DZANK1: variants seen among roughly 807,000 people sequenced by gnomAD.
DZANK1 encodes double zinc ribbon and ankyrin repeat-containing protein 1.
In DZANK1, 91 loss-of-function variants were observed where a neutral mutation model predicts 94.5. That is an observed-to-expected ratio of 0.96 (90% CI 0.81 to 1.15). The LOEUF (loss-of-function observed/expected upper bound fraction) is 1.15, where lower values mean the gene tolerates loss of function less well. DZANK1 is among the 50% of genes most tolerant of loss of function. DZANK1 has a pLI of 0.00. For synonymous variants in DZANK1, 312 were observed against 325.3 expected, an observed-to-expected ratio of 0.96 and a Z score of 0.44; for missense variants, 903 against 916.4, an observed-to-expected ratio of 0.99 and a Z score of 0.19.
At chr20:18,426,997 G>T (rs1175776317) in intron 10 of DZANK1, 70 bp downstream of exon 10, 4 of 1,182,136 alleles carry the variant, frequency 3.4e-6, no homozygotes, top group Non-Finnish European at 4.7e-6. Context: ...GGCAGATTCT[G>T]TTTCTCTATT....
rs779698400 is a variant in DZANK1 at position 18,389,611 on chromosome 20, GGT to G, written c.2018+88_2018+89del. 7.1e-4 allele frequency: 1,082 copies of G among 1,530,218 alleles called. 1 individual carries two copies. Among genetic ancestry groups the G allele is most frequent in the Non-Finnish European group, 8.8e-4 (991 of 1,126,940 alleles). 94.8% of individuals were successfully genotyped at this position (1,530,218 alleles called of 1,614,324 possible). A position where few individuals can be genotyped will look rare whatever the true frequency, so the allele number is the denominator to read the frequency against. ...GGTTAAAGTGGCTGAAACTGAACAG[GGT>G]GTGTGTGTAGACCGCTTCTGCTGCA... On this transcript the variant is annotated intron_variant, in intron 19 of 20. Coordinates refer to ENST00000262547, the Ensembl canonical transcript of DZANK1.
In DZANK1 at chr20:18,460,309, G is replaced by T; in HGVS notation, c.110-3C>A. 6.6e-7 allele frequency: 1 copy of T among 1,507,894 alleles called. No individual in the cohort carries two copies. Among genetic ancestry groups the T allele is most frequent in the South Asian group, 1.3e-5 (1 of 76,618 alleles). The allele number at this position is 1,507,894 out of a possible 1,614,324, so 93.4% of individuals were successfully genotyped here. A position where few individuals can be genotyped will look rare whatever the true frequency, so the allele number is the denominator to read the frequency against. On this transcript the variant is annotated splice_region_variant and splice_polypyrimidine_tract_variant and intron_variant, in intron 2 of 20. Transcript: ENST00000262547. ...ATATATGTTGACATCTGGAGTGTCT[G>T]AAAAATCCAAAACAGGATAACTATA... is the stretch of plus-strand genomic sequence containing the variant.
intron 12 of DZANK1, 32 bp downstream of exon 12, chr20:18,414,316 G>C: frequency 6.2e-7 from 1 of 1,609,890 alleles, no homozygotes; most frequent in Non-Finnish European, 8.5e-7. Context: ...CCTCTTCCTG[G>C]GTACCAGTTC....
intron 8 of DZANK1, among the ~76,000 whole-genome samples, chr20:18,434,380 A>G (rs1430524146): frequency 6.6e-6 from 1 of 151,878 alleles, no homozygotes; most frequent in Admixed American, 6.6e-5. Context: ...CCCCAGCTCT[A>G]CTAAAAATAC....
chr20:18,394,545 C>T (rs182799513), intron 15 of DZANK1, 195 bp from the exon 16 acceptor site: 2 of 691,936 alleles, frequency 2.9e-6, no homozygotes, highest in Admixed American at 4.0e-5. Flanking sequence ...TGCCCCTTAC[C>T]CGCGGCTCAG....
At chr20:18,456,807 C>T (rs1252606905) in intron 3 of DZANK1, among the ~76,000 whole-genome samples, 1 of 152,006 alleles carries the variant, frequency 6.6e-6, no homozygotes, top group African/African-American at 2.4e-5. Context: ...TGTCCATTCC[C>T]CAGCTGATGG....
intron 19 of DZANK1, among the ~76,000 whole-genome samples, chr20:18,389,131 G>A (rs535439314): frequency 1.3e-5 from 2 of 152,188 alleles, no homozygotes; most frequent in Non-Finnish European, 2.9e-5. Flanking sequence ...TAGAAGAGAA[G>A]GTTATTGGAC....
At chr20:18,450,739 A>G (rs1172837937) in intron 6 of DZANK1, among the ~76,000 whole-genome samples, 3 of 152,210 alleles carry the variant, frequency 2.0e-5, no homozygotes, top group Non-Finnish European at 4.4e-5. Flanking sequence ...TTACACAGAA[A>G]ATGTGACTCC....
At chr20:18,455,059 G>C (rs757288496) in intron 4 of DZANK1, among the ~76,000 whole-genome samples, 188 bp downstream of exon 4, 2 of 152,218 alleles carry the variant, frequency 1.3e-5, no homozygotes, top group Non-Finnish European at 2.9e-5. Flanking sequence ...CTCATCTTCA[G>C]GGTGGATAGG....
At chr20:18,407,894 A>G (rs2057039875) in intron 13 of DZANK1, among the ~76,000 whole-genome samples, 1 of 152,254 alleles carries the variant, frequency 6.6e-6, no homozygotes, top group Non-Finnish European at 1.5e-5. Flanking sequence ...GAGACAAAAG[A>G]AAACATAATA....
At chr20:18,398,434 G>T in intron 14 of DZANK1, 89 bp downstream of exon 14, 1 of 1,169,062 alleles carries the variant, frequency 8.6e-7, no homozygotes, top group Non-Finnish European at 1.3e-6. Context: ...AAGGAGCCAG[G>T]CAAGATGCAG....
At chr20:18,418,636 C>T (rs1323342544) in intron 10 of DZANK1, among the ~76,000 whole-genome samples, 1 of 152,130 alleles carries the variant, frequency 6.6e-6, no homozygotes, top group Non-Finnish European at 1.5e-5. Context: ...GATATATATG[C>T]TTGCTTTTGG....
exon 4 of DZANK1, chr20:18,455,343 G>A: frequency 6.2e-7 from 1 of 1,604,924 alleles, no homozygotes; most frequent in Non-Finnish European, 8.5e-7. Flanking sequence ...TTGTCACAAT[G>A]CCACTCTGTC....
At chr20:18,390,595 G>A (rs1045306652) in intron 17 of DZANK1, 136 bp from the exon 18 acceptor site, 4 of 729,344 alleles carry the variant, frequency 5.5e-6, no homozygotes, top group African/African-American at 5.3e-5. Flanking sequence ...TGTGTGAGTG[G>A]TCTTTAATAG....
At chr20:18,401,014 G>A (rs921752734) in intron 13 of DZANK1, among the ~76,000 whole-genome samples, 1 of 151,892 alleles carries the variant, frequency 6.6e-6, no homozygotes, top group African/African-American at 2.4e-5. Context: ...TCAGCTCACT[G>A]CAACCTCCGC....
At chr20:18,402,851 A>G (rs2056754125) in intron 13 of DZANK1, among the ~76,000 whole-genome samples, 1 of 152,246 alleles carries the variant, frequency 6.6e-6, no homozygotes, top group African/African-American at 2.4e-5. Flanking sequence ...TTTAAAAAAC[A>G]GCAAAATCCA....
At chr20:18,429,795 T>C (rs756124935) in intron 9 of DZANK1, among the ~76,000 whole-genome samples, 2 of 152,254 alleles carry the variant, frequency 1.3e-5, no homozygotes, top group Non-Finnish European at 2.9e-5. Context: ...TTTGACACCA[T>C]GCCATGGCTC....
At chr20:18,435,065 G>A (rs576633043) in intron 8 of DZANK1, among the ~76,000 whole-genome samples, 21 of 152,136 alleles carry the variant, frequency 1.4e-4, no homozygotes, top group East Asian at 7.7e-4. Flanking sequence ...CACCCACACC[G>A]CCCTGGCTGA....
At chr20:18,415,268 T>C in intron 11 of DZANK1, 59 bp downstream of exon 11, 1 of 1,341,388 alleles carries the variant, frequency 7.5e-7, no homozygotes, top group East Asian at 2.8e-5. Context: ...AGTGCCTGGC[T>C]CTCTCCAGGC....
Sources: gnomAD v4.1 joint callset for allele counts (sites outside exome capture counted in the v4.1 genomes callset) on GRCh38, gnomAD v4.1.1 for gene constraint, MANE v1.5 for transcripts, NCBI Gene and HGNC (gene_info 2026-07-23, HGNC 2026-07-21) for gene names.